TNRC18: variants seen among roughly 807,000 people sequenced by gnomAD.
TNRC18 encodes trinucleotide repeat containing 18, also known as trinucleotide repeat-containing gene 18 protein.
TNRC18 carries 69 observed loss-of-function variants against 226.7 expected under a neutral mutation model. The observed-to-expected ratio is 0.30, with a 90% CI of 0.25 to 0.37. The LOEUF is 0.37. Among genes scored for constraint, TNRC18 ranks in the 10% least tolerant of loss-of-function variants. TNRC18 has a pLI of 1.00. For synonymous variants in TNRC18, 2,449 were observed against 1,927.6 expected, an observed-to-expected ratio of 1.27 and a Z score of -7.09; for missense variants, 4,754 against 4,256.6, an observed-to-expected ratio of 1.12 and a Z score of -3.25.
intron 14 of TNRC18, among the ~76,000 whole-genome samples, chr7:5,359,903 G>A (rs1374959376): frequency 6.6e-6 from 1 of 151,964 alleles, no homozygotes; most frequent in African/African-American, 2.4e-5. Flanking sequence ...GATCAGAAAC[G>A]CCAAGGAAAT....
intron 11 of TNRC18, among the ~76,000 whole-genome samples, chr7:5,368,007 GT>G (rs1182915389): frequency 3.4e-5 from 5 of 145,026 alleles, no homozygotes; most frequent in South Asian, 2.5e-4. Flanking sequence ...TACGGACAAA[GT>G]TTTTTTTTCT....
chr7:5,417,928 C>T (rs1224841781), intron 2 of TNRC18, among the ~76,000 whole-genome samples: 9 of 152,188 alleles, frequency 5.9e-5, no homozygotes, highest in Non-Finnish European at 5.9e-5. Context: ...GGAGAAGGCC[C>T]GTGGCCCCCT....
intron 27 of TNRC18, among the ~76,000 whole-genome samples, chr7:5,311,030 G>A (rs559328824): frequency 6.6e-6 from 1 of 152,274 alleles, no homozygotes; most frequent in African/African-American, 2.4e-5. Context: ...TTGTGTACGT[G>A]TGCAAGTGTG....
At chr7:5,409,434 A>G (rs1410252140) in intron 2 of TNRC18, among the ~76,000 whole-genome samples, 1 of 152,018 alleles carries the variant, frequency 6.6e-6, no homozygotes, top group Non-Finnish European at 1.5e-5. Context: ...ATTAAATTCG[A>G]CAAAAACTAG....
At position 5,316,012 on chromosome 7, in the gene TNRC18, G is replaced by A. The variant is rs753293608; in HGVS notation, c.6806C>T (p.Thr2269Met). Reference sequence around the variant, plus strand: ...GATATGTGAGAGGGGGATCCTGCCCGTGTCTCCGTCGTCAAACTCCACGGT... The same window carrying A: ...GATATGTGAGAGGGGGATCCTGCCCATGTCTCCGTCGTCAAACTCCACGGT... The part of the protein sequence containing the change: ...LITVEFDDGD[T>M]GRIPLSHIRL... The change falls in exon 25 of 30, where the codon ACG (threonine) becomes ATG (methionine). Residue 2269 changes from threonine (T) to methionine (M), a missense_variant. Physicochemically the swap from Thr to Met is moderately conservative, Grantham distance 81. Transcript: ENST00000430969. 308 of 1,604,206 alleles carry A rather than the reference G, an allele frequency of 1.9e-4. No individual in the cohort carries two copies. The highest frequency in any genetic ancestry group is 3.0e-4 in the East Asian group (13 of 43,618).
At position 5,330,962 on chromosome 7, in the gene TNRC18, A is replaced by G. The variant is rs144157936; in HGVS notation, c.6147+1660T>C. On this transcript the variant is annotated intron_variant, in intron 19 of 29. Coordinates refer to ENST00000430969, the MANE Select transcript of TNRC18 (RefSeq NM_001080495.3). Reference sequence around the variant, plus strand: ...AGTGCTGGGATTACAGGTGTGTGCCACCGTGCCCGGCTGAATCATTATTAT... The same window carrying G: ...AGTGCTGGGATTACAGGTGTGTGCCGCCGTGCCCGGCTGAATCATTATTAT... Among the ~76,000 whole-genome samples, 726 of 152,246 alleles carry G rather than the reference A, an allele frequency of 4.8e-3. 5 individuals are homozygous for G. The highest frequency in any genetic ancestry group is 0.017 in the African/African-American group (693 of 41,532).
chr7:5,419,690 C>G (rs1209660729), intron 2 of TNRC18: 2 of 152,068 alleles, frequency 1.3e-5, no homozygotes, highest in Non-Finnish European at 2.9e-5. Flanking sequence ...GGGCCAAGAC[C>G]TGGTTCTTGC....
chr7:5,316,757 G>A (rs1787892258), intron 24 of TNRC18, among the ~76,000 whole-genome samples: 3 of 152,322 alleles, frequency 2.0e-5, no homozygotes, highest in East Asian at 1.9e-4. Context: ...TGGCATTTCC[G>A]GAGAGATGCC....
chr7:5,405,447 T>G (rs1381741263), intron 2 of TNRC18, among the ~76,000 whole-genome samples: 3 of 151,954 alleles, frequency 2.0e-5, no homozygotes, highest in African/African-American at 7.3e-5. Context: ...TGCGCACCTG[T>G]AATCCCAGCT....
intron 5 of TNRC18, among the ~76,000 whole-genome samples, chr7:5,384,028 G>A (rs1241843963): frequency 1.5e-5 from 2 of 136,812 alleles, no homozygotes; most frequent in Non-Finnish European, 3.0e-5. Flanking sequence ...GCAATGGCAC[G>A]ATCTCAGCTC....
intron 2 of TNRC18, among the ~76,000 whole-genome samples, chr7:5,396,584 T>C (rs1296965625): frequency 1.3e-5 from 2 of 152,168 alleles, no homozygotes; most frequent in African/African-American, 2.4e-5. Context: ...AAAGCTGGAA[T>C]GCACCAGGCA....
At chr7:5,364,376 T>A (rs952043905) in intron 11 of TNRC18, among the ~76,000 whole-genome samples, 1 of 151,582 alleles carries the variant, frequency 6.6e-6, no homozygotes, top group African/African-American at 2.4e-5. Flanking sequence ...GAAGATCACT[T>A]GAACCCAGGA....
rs566565297 is a variant in TNRC18, at chr7:5,403,803, A to AAAAC, written c.188-9209_188-9208insGTTT. On this transcript the variant is annotated intron_variant, in intron 2 of 29. Coordinates refer to ENST00000430969, the MANE Select transcript of TNRC18 (RefSeq NM_001080495.3). ...AGACCCTGTCTGTTTAAAAAAAAAA[A>AAAAC]AAAACTGCATCCCTTAAAATGTCAA... Among the ~76,000 whole-genome samples the AAAAC allele has an allele frequency of 5.9e-5, 9 of 152,114 alleles. No homozygotes were observed. The South Asian group carries it at 1.9e-3, about 32-fold the overall frequency.
chr7:5,343,629 G>C (rs1024240188), intron 18 of TNRC18, among the ~76,000 whole-genome samples: 7 of 152,156 alleles, frequency 4.6e-5, no homozygotes, highest in African/African-American at 1.7e-4. Flanking sequence ...GTCTCGCTCT[G>C]TTGCCCAGGC....
At position 5,312,935 on chromosome 7, in the gene TNRC18, G is replaced by GGAGGAGGAA. The variant is rs1311238809; in HGVS notation, c.7947_7955dup (p.Ser2669_Ser2671dup). The GGAGGAGGAA allele has an allele frequency of 4.1e-6, 6 of 1,450,306 alleles. No homozygotes were observed. The highest frequency in any genetic ancestry group is 2.3e-4 in the Middle Eastern group (1 of 4,278). The allele number at this position is 1,450,306 out of a possible 1,614,324, so 89.8% of individuals were successfully genotyped here. ...AGGAGGATGAGGACGAGGAAGAGGA[G>GGAGGAGGAA]GAGGAGGAAGAGGAGGAAGACGAAG... is the stretch of plus-strand genomic sequence containing the variant. On this transcript the variant is annotated inframe_insertion, in exon 27 of 30. Transcript: ENST00000430969. The surrounding 1 kb of genome is among the most constrained non-coding windows in gnomAD (Gnocchi z 6.3).
chr7:5,399,000 C>T (rs1209790382), intron 2 of TNRC18, among the ~76,000 whole-genome samples: 2 of 152,150 alleles, frequency 1.3e-5, no homozygotes, highest in Non-Finnish European at 1.5e-5. Flanking sequence ...CAAGGCATCC[C>T]GCAACTCACA....
intron 2 of TNRC18, among the ~76,000 whole-genome samples, chr7:5,403,699 A>G (rs11769091): frequency 0.3 from 46,088 of 151,800 alleles, 7,349 homozygotes; most frequent in South Asian, 0.34. Context: ...GGTTGAAGGC[A>G]CGAGGATCAT....
At chr7:5,325,677 G>C (rs544257497) in intron 19 of TNRC18, 1 of 161,936 alleles carries the variant, frequency 6.2e-6, no homozygotes, top group Non-Finnish European at 1.3e-5. Flanking sequence ...GCCCGCCTCG[G>C]CCTCCCAAAG....
rs1211355949 is a variant in TNRC18 at position 5,324,731 on chromosome 7, A to T, written c.6300+365T>A. Among the ~76,000 whole-genome samples the T allele has an allele frequency of 6.6e-6, 1 of 152,156 alleles. No individual in the cohort carries two copies. The highest frequency in any genetic ancestry group is 1.5e-5 in the Non-Finnish European group (1 of 68,018). On this transcript the variant is annotated intron_variant, in intron 20 of 29. Coordinates refer to ENST00000430969, the MANE Select transcript of TNRC18 (RefSeq NM_001080495.3). The surrounding 1 kb of genome is among the most constrained non-coding windows in gnomAD (Gnocchi z 4.8). Reference sequence around the variant, plus strand: ...GGGCTTGAGGAAAAACCACTCGGGCAGGGGCTAGCAGGTGTGGGGAGTGGA... The same window carrying T: ...GGGCTTGAGGAAAAACCACTCGGGCTGGGGCTAGCAGGTGTGGGGAGTGGA...
Sources: gnomAD v4.1 joint callset for allele counts (sites outside exome capture counted in the v4.1 genomes callset) on GRCh38, gnomAD v4.1.1 for gene constraint, Gnocchi (gnomAD v3.1) non-coding constraint, MANE v1.5 for transcripts, NCBI Gene and HGNC (gene_info 2026-07-23, HGNC 2026-07-21) for gene names.